The following RASGRP3 variants were observed in gnomAD, a reference collection of about 807,000 sequenced individuals.
RASGRP3 encodes the protein ras guanyl-releasing protein 3.
RASGRP3 carries 54 observed loss-of-function variants against 82.7 expected under a neutral mutation model. The observed-to-expected ratio is 0.65, with a 90% CI of 0.52 to 0.82. RASGRP3 has a LOEUF of 0.82. Among genes scored for constraint, RASGRP3 ranks in the 40% least tolerant of loss-of-function variants. The pLI is 0.00. For synonymous variants in RASGRP3, 309 were observed against 300.5 expected, an observed-to-expected ratio of 1.03 and a Z score of -0.29; for missense variants, 861 against 828.9, an observed-to-expected ratio of 1.04 and a Z score of -0.48.
At chr2:33,460,291 G>A (rs1046555389) in intron 2 of RASGRP3, among the ~76,000 whole-genome samples, 1 of 152,118 alleles carries the variant, frequency 6.6e-6, no homozygotes, top group Non-Finnish European at 1.5e-5. Context: ...AATTTACAGA[G>A]TAATGGGGTT....
intron 1 of RASGRP3, among the ~76,000 whole-genome samples, chr2:33,444,652 A>T (rs1665409638): frequency 6.6e-6 from 1 of 152,226 alleles, no homozygotes; most frequent in African/African-American, 2.4e-5. Flanking sequence ...ATTTGAGCTG[A>T]ACATTCTATA....
At chr2:33,504,498 A>T (rs1338238326) in intron 1 of RASGRP3, among the ~76,000 whole-genome samples, 2 of 152,236 alleles carry the variant, frequency 1.3e-5, no homozygotes, top group Non-Finnish European at 2.9e-5. Context: ...TTTTGTGCCC[A>T]GCCAAACTAA....
intron 1 of RASGRP3, among the ~76,000 whole-genome samples, chr2:33,500,500 G>A (rs1180354349): frequency 6.6e-6 from 1 of 152,162 alleles, no homozygotes; most frequent in Admixed American, 6.6e-5. Flanking sequence ...CTGGGAAGTA[G>A]GTGATCAGAC....
intron 2 of RASGRP3, among the ~76,000 whole-genome samples, chr2:33,457,288 T>A (rs932676139): frequency 6.6e-6 from 1 of 152,210 alleles, no homozygotes; most frequent in South Asian, 2.1e-4. Context: ...AAATTAGTCA[T>A]ATTTTTTTAA....
chr2:33,527,407 C>T lies in RASGRP3; in HGVS notation c.1078C>T (p.Leu360Phe). 1.9e-6 allele frequency: 3 copies of T among 1,611,514 alleles called. No individual in the cohort carries two copies. The highest frequency in any genetic ancestry group is 4.5e-5 in the East Asian group (2 of 44,808). The change falls in exon 10 of 18, where the codon CTC becomes TTC. Residue 360 changes from leucine to phenylalanine, a missense_variant. Transcript: ENST00000403687. The stretch of plus-strand genomic sequence containing the variant: ...ACCCAACATGGATTTGATCAACCTG[C>T]TCACGGTGAGTTCCAAGGAGCCAAG... ...LEPNMDLINL[L>F]TLSLDLYHTE...
intron 2 of RASGRP3, among the ~76,000 whole-genome samples, chr2:33,459,930 G>A (rs990078393): frequency 2.0e-5 from 3 of 152,190 alleles, no homozygotes; most frequent in African/African-American, 7.2e-5. Context: ...GGACAGGATT[G>A]AGGCCTAGTT....
At position 33,480,766 on chromosome 2, in the gene RASGRP3, T is replaced by C. The variant is rs190226684; in HGVS notation, c.-261+4059T>C. On this transcript the variant is annotated intron_variant, in intron 1 of 17. Coordinates refer to ENST00000403687, the MANE Select transcript of RASGRP3 (RefSeq NM_001139488.2). ...TCCCTTGGTATTGATTGCTCACTTA[T>C]AGTCCCTGGAGTTAACAGCTCCTGT... 1.0e-3 allele frequency among the ~76,000 whole-genome samples: 156 copies of C among 152,350 alleles called. 1 individual carries two copies. The highest frequency in any genetic ancestry group is 3.6e-3 in the African/African-American group (149 of 41,586).
chr2:33,561,715 T>A lies in RASGRP3; in HGVS notation c.2065-1014T>A, dbSNP rs188096946. Among the ~76,000 whole-genome samples the A allele has an allele frequency of 2.3e-3, 345 of 152,294 alleles. 1 individual carries two copies. The highest frequency in any genetic ancestry group is 3.4e-3 in the Middle Eastern group (1 of 294). On this transcript the variant is annotated intron_variant, in intron 17 of 17. Coordinates refer to ENST00000403687, the MANE Select transcript of RASGRP3 (RefSeq NM_001139488.2). Reference sequence around the variant, plus strand: ...AGATGATGTTTGTGAGTCCTGTAGTTAAAGACTTTAGAACACAGAAAAGGT... The same window carrying A: ...AGATGATGTTTGTGAGTCCTGTAGTAAAAGACTTTAGAACACAGAAAAGGT...
intron 1 of RASGRP3, among the ~76,000 whole-genome samples, chr2:33,495,589 T>C (rs1489948639): frequency 6.6e-6 from 1 of 151,996 alleles, no homozygotes; most frequent in Admixed American, 6.6e-5. Flanking sequence ...GTGAAATGAA[T>C]TAGGAATAAG....
At chr2:33,507,533 A>G (rs1342577047) in intron 1 of RASGRP3, among the ~76,000 whole-genome samples, 9 of 152,158 alleles carry the variant, frequency 5.9e-5, no homozygotes, top group Admixed American at 4.6e-4. Context: ...TGGGAGAGAA[A>G]TGATTTTCTT....
At chr2:33,482,760 G>A (rs1212914951) in intron 1 of RASGRP3, 1 of 152,224 alleles carries the variant, frequency 6.6e-6, no homozygotes, top group Non-Finnish European at 1.5e-5. Context: ...AGCAGTGCAT[G>A]TTGCCTGATG....
intron 1 of RASGRP3, among the ~76,000 whole-genome samples, chr2:33,446,876 G>T (rs1014927554): frequency 1.8e-4 from 28 of 151,900 alleles, no homozygotes; most frequent in Non-Finnish European, 7.4e-5. Context: ...GGGTGCGGTG[G>T]CTCACTCCTG....
At chr2:33,529,423 A>T (rs961432576) in intron 10 of RASGRP3, among the ~76,000 whole-genome samples, 2 of 139,804 alleles carry the variant, frequency 1.4e-5, no homozygotes, top group African/African-American at 5.3e-5. Flanking sequence ...TGAATCCGGG[A>T]GGTGGAGCTT....
intron 16 of RASGRP3, 113 bp from the exon 17 acceptor site, chr2:33,558,559 T>C: frequency 8.8e-7 from 1 of 1,140,504 alleles, no homozygotes; most frequent in South Asian, 1.6e-5. Context: ...GTTCTGTCCC[T>C]TGTCGGTTCC....
Position 33,549,667 on chromosome 2 carries a change from C to T in RASGRP3, c.1458C>T (p.His486=), listed in dbSNP as rs754124125. The change falls in exon 14 of 18, where the codon CAC becomes CAT. Residue 486 remains histidine, a synonymous_variant. Transcript: ENST00000403687. ...TCCTGAGAGCTAAATCCCAACTACA[C>T]TGTAAAATGGGACCAGGATTTATCC... is the stretch of plus-strand genomic sequence containing the variant. The part of the protein sequence containing the change: ...AYFLRAKSQL[H]CKMGPGFIHN... The T allele has an allele frequency of 6.8e-6, 11 of 1,613,396 alleles. No homozygotes were observed. Among genetic ancestry groups the T allele is most frequent in the South Asian group, 4.4e-5 (4 of 91,058 alleles).
At chr2:33,443,978 A>G (rs1665368842) in intron 1 of RASGRP3, among the ~76,000 whole-genome samples, 1 of 152,196 alleles carries the variant, frequency 6.6e-6, no homozygotes, top group South Asian at 2.1e-4. Context: ...TTCAAAAAAT[A>G]AAAAGAAACA....
intron 12 of RASGRP3, chr2:33,539,998 AAAG>A (rs1050004981): frequency 5.7e-4 from 16 of 28,146 alleles, no homozygotes; most frequent in East Asian, 3.5e-3. Flanking sequence ...AAAAAAAAAA[AAAG>A]AAAAGAAAAG....
intron 1 of RASGRP3, among the ~76,000 whole-genome samples, chr2:33,508,664 G>A (rs1350149468): frequency 6.6e-6 from 1 of 152,166 alleles, no homozygotes; most frequent in Non-Finnish European, 1.5e-5. Flanking sequence ...TTTATCGAGA[G>A]GAGAAAATGT....
upstream of RASGRP3, among the ~76,000 whole-genome samples, chr2:33,475,558 A>T (rs1188774602): frequency 6.6e-6 from 1 of 152,198 alleles, no homozygotes; most frequent in East Asian, 1.9e-4. Flanking sequence ...TTTGCCAAAT[A>T]GGCTGCCTCT....
Sources: gnomAD v4.1 joint callset for allele counts (sites outside exome capture counted in the v4.1 genomes callset) on GRCh38, gnomAD v4.1.1 for gene constraint, MANE v1.5 for transcripts, NCBI Gene and HGNC (gene_info 2026-07-23, HGNC 2026-07-21) for gene names.